RRP1B: variants seen among roughly 807,000 people sequenced by gnomAD.
RRP1B encodes the protein ribosomal RNA processing protein 1 homolog B.
A neutral mutation model predicts 80.2 loss-of-function variants in RRP1B; 56 were observed. The ratio of observed to expected loss-of-function variants is 0.70; its 90% CI spans 0.56 to 0.87. The LOEUF is 0.87. RRP1B is among the 40% of genes least tolerant of loss of function. RRP1B has a pLI of 0.00. For missense variants in RRP1B, 807 were observed against 939.8 expected (o/e 0.86, Z 1.85); for synonymous variants, 351 against 357.6 (o/e 0.98, Z 0.21).
chr21:43,662,198 G>A (rs866683031), intron 1 of RRP1B, among the ~76,000 whole-genome samples: 3 of 152,332 alleles, frequency 2.0e-5, no homozygotes, highest in Middle Eastern at 3.4e-3. Context: ...CCTTTGGTGA[G>A]CCAGCCCAGG....
intron 8 of RRP1B, among the ~76,000 whole-genome samples, chr21:43,678,639 T>C (rs1341251394): frequency 6.6e-6 from 1 of 152,200 alleles, no homozygotes; most frequent in African/African-American, 2.4e-5. Flanking sequence ...TTTTTCTTGC[T>C]GATTTGTTTG....
chr21:43,665,586 G>A lies in RRP1B; in HGVS notation c.131-4298G>A, dbSNP rs183936888. Among the ~76,000 whole-genome samples the A allele has an allele frequency of 3.3e-5, 5 of 151,952 alleles. No homozygotes were observed. The East Asian group carries it at 5.8e-4, about 18-fold the overall frequency. Reference sequence around the variant, plus strand: ...TTTTGAGATGGAGTCTTGCTCTGTCGCTCAGGCTGGAGTGCAGTGGTGCGA... The same window carrying A: ...TTTTGAGATGGAGTCTTGCTCTGTCACTCAGGCTGGAGTGCAGTGGTGCGA... On this transcript the variant is annotated intron_variant, in intron 1 of 15. Transcript: ENST00000340648.
intron 1 of RRP1B, among the ~76,000 whole-genome samples, chr21:43,667,216 CGTT>C (rs1238408809): frequency 2.6e-5 from 4 of 151,760 alleles, no homozygotes; most frequent in Admixed American, 1.3e-4. Context: ...TTCTTAATAT[CGTT>C]TGTTTGTTTG....
At chr21:43,690,040 G>A (rs552000804) in intron 13 of RRP1B, among the ~76,000 whole-genome samples, 1 of 152,288 alleles carries the variant, frequency 6.6e-6, no homozygotes, top group Non-Finnish European at 1.5e-5. Flanking sequence ...AGATAAAAGT[G>A]GGTCCTTACT....
In RRP1B at chr21:43,659,863, G is replaced by A; in HGVS notation, c.130+69G>A. 7.2e-7 allele frequency: 1 copy of A among 1,390,878 alleles called. No individual in the cohort carries two copies. Among genetic ancestry groups the A allele is most frequent in the Admixed American group, 3.2e-5 (1 of 31,242 alleles). 86.2% of individuals were successfully genotyped at this position (1,390,878 alleles called of 1,614,324 possible). A position where few individuals can be genotyped will look rare whatever the true frequency, so the allele number is the denominator to read the frequency against. On this transcript the variant is annotated intron_variant, in intron 1 of 15. Coordinates refer to ENST00000340648, the MANE Select transcript of RRP1B (RefSeq NM_015056.3). The surrounding 1 kb of genome is among the most constrained non-coding windows in gnomAD (Gnocchi z 4.2). ...GGGCCGGGGCTGGGGCTAGGGCCAG[G>A]GCCCCGGCACGGAATGCGGCTTCCA...
At chr21:43,675,259 C>T (rs2083017346) in intron 6 of RRP1B, 96 bp downstream of exon 6, 2 of 1,162,540 alleles carry the variant, frequency 1.7e-6, no homozygotes, top group Admixed American at 3.9e-5. Context: ...CTTCGCATGA[C>T]CAGCGACTGT....
intron 3 of RRP1B, among the ~76,000 whole-genome samples, chr21:43,672,775 AT>A (rs1225019363): frequency 6.6e-6 from 1 of 152,162 alleles, no homozygotes; most frequent in Non-Finnish European, 1.5e-5. Flanking sequence ...GAGAAAAAAA[AT>A]TAGTTAGGGT....
At position 43,690,396 on chromosome 21, in the gene RRP1B, G is replaced by C; in HGVS notation, c.1975G>C (p.Ala659Pro). The change falls in exon 14 of 16, where the codon GCC becomes CCC. Residue 659 changes from alanine (A) to proline (P), a missense_variant. Physicochemically the swap from Ala to Pro is conservative, Grantham distance 27 (BLOSUM62 -1). Transcript: ENST00000340648. Reference protein sequence around the residue: ...FLPKPLFFRRAKSSTATHPPG... With the variant: ...FLPKPLFFRRPKSSTATHPPG... ...ACCAAAGCCCCTGTTCTTCAGAAGA[G>C]CCAAGAGCAGCACTGCCACCCACCC... is the stretch of plus-strand genomic sequence containing the variant. 6.2e-7 allele frequency: 1 copy of C among 1,614,224 alleles called. No individual in the cohort carries two copies.
intron 9 of RRP1B, among the ~76,000 whole-genome samples, chr21:43,684,229 G>A (rs903574597): frequency 1.3e-5 from 2 of 151,468 alleles, no homozygotes; most frequent in African/African-American, 4.8e-5. Context: ...CCGCCATCAC[G>A]CCCGGCTAAT....
At position 43,684,979 on chromosome 21, in the gene RRP1B, A is replaced by G. The variant is rs191883032; in HGVS notation, c.989+329A>G. The stretch of plus-strand genomic sequence containing the variant: ...TGTCTTCTGCTGGTGTGCTGCTGAG[A>G]TAGATAGGGTTAATTCTTTACCTCT... On this transcript the variant is annotated intron_variant, in intron 10 of 15. Coordinates refer to ENST00000340648, the MANE Select transcript of RRP1B (RefSeq NM_015056.3). Among the ~76,000 whole-genome samples, 20 of 152,208 alleles carry G rather than the reference A, an allele frequency of 1.3e-4. No individual in the cohort carries two copies. The East Asian group carries it at 3.7e-3, about 28-fold the overall frequency.
chr21:43,685,803 A>G lies in RRP1B; in HGVS notation c.1009+14A>G. On this transcript the variant is annotated intron_variant, in intron 11 of 15. Transcript: ENST00000340648. ...ACCTTTCTGAAGGTGAGGCGCGCCA[A>G]GAATCATCATTCATGGTGTTTTTCG... 1.3e-6 allele frequency: 2 copies of G among 1,591,404 alleles called. No homozygotes were observed. The highest frequency in any genetic ancestry group is 1.2e-5 in the South Asian group (1 of 85,686).
intron 1 of RRP1B, among the ~76,000 whole-genome samples, chr21:43,664,703 T>A (rs1398533607): frequency 1.3e-5 from 2 of 152,218 alleles, no homozygotes; most frequent in Non-Finnish European, 2.9e-5. Context: ...CTGGGTAATT[T>A]ATAAAGGAAA....
intron 9 of RRP1B, among the ~76,000 whole-genome samples, 189 bp downstream of exon 9, chr21:43,683,562 G>A (rs1435850365): frequency 6.6e-6 from 1 of 152,102 alleles, no homozygotes; most frequent in Non-Finnish European, 1.5e-5. Context: ...ATATGATGGA[G>A]TTTTGAAAGA....
At position 43,693,909 on chromosome 21, in the gene RRP1B, T is replaced by C. The variant is rs2083097035; in HGVS notation, c.*526T>C. 6.6e-6 allele frequency: 1 copy of C among 152,566 alleles called. No homozygotes were observed. Among genetic ancestry groups the C allele is most frequent in the African/African-American group, 2.4e-5 (1 of 41,458 alleles). 9.5% of individuals were successfully genotyped at this position (152,566 alleles called of 1,614,324 possible). The stretch of plus-strand genomic sequence containing the variant: ...GCAGGTTACCGATGGGGAAGATTCT[T>C]GTCACAGAATCAGCAATACCATAGT... On this transcript the variant is annotated 3_prime_UTR_variant, in exon 16 of 16. Transcript: ENST00000340648. The surrounding 1 kb of genome is among the most constrained non-coding windows in gnomAD (Gnocchi z 4.1).
rs548304496 is a variant in RRP1B, at chr21:43,676,782, G to A, written c.664G>A (p.Asp222Asn). 6 of 1,614,252 alleles carry A rather than the reference G, an allele frequency of 3.7e-6. No homozygotes were observed. In the South Asian group the frequency reaches 5.5e-5, roughly 15 times the overall value. ...TCGGGGTGTCTTCGAAGCTATCGTA[G>A]ATCAGTCTCCTTTTGTGCCTGAAGA... ...IARGVFEAIV[D>N]QSPFVPEETM... Residue 222 changes from aspartate (D) to asparagine (N), a missense_variant, in exon 8 of 16, where the codon GAT becomes AAT. Transcript: ENST00000340648.
chr21:43,674,081 GA>G (rs1318618424), intron 4 of RRP1B, 126 bp downstream of exon 4: 1 of 683,098 alleles, frequency 1.5e-6, no homozygotes, highest in African/African-American at 1.8e-5. Context: ...GGAAGAATTT[GA>G]ATGTGTCCTG....
rs746929325 is a variant in RRP1B at position 43,688,059 on chromosome 21, C to G, written c.1685C>G (p.Thr562Ser). ...TGPAEGANSH[T>S]TLPQRRRLQK... The stretch of plus-strand genomic sequence containing the variant: ...CCCGCAGAGGGGGCGAACAGCCACA[C>G]CACGCTGCCCCAGCGCAGGAGGCTG... Residue 562 changes from threonine (T) to serine (S), a missense_variant, in exon 13 of 16, where the codon ACC becomes AGC. Thr to Ser is a moderately conservative substitution (Grantham distance 58). Transcript: ENST00000340648. The G allele has an allele frequency of 1.8e-5, 29 of 1,612,386 alleles. No individual in the cohort carries two copies. The highest frequency in any genetic ancestry group is 2.5e-5 in the Non-Finnish European group (29 of 1,179,576).
chr21:43,690,239 G>C (rs1464171525), intron 13 of RRP1B, 49 bp from the exon 14 acceptor site: 1 of 1,601,670 alleles, frequency 6.2e-7, no homozygotes, highest in African/African-American at 1.3e-5. Flanking sequence ...CAGCACAGGA[G>C]GCTCTGTCGT....
In RRP1B at chr21:43,688,048, G is replaced by A. The variant is rs758157928; in HGVS notation, c.1674G>A (p.Ala558=). ...CTCCCACAGGCCCCGCAGAGGGGGCGAACAGCCACACCACGCTGCCCCAGC... is the reference window on the plus strand; with the variant it reads ...CTCCCACAGGCCCCGCAGAGGGGGCAAACAGCCACACCACGCTGCCCCAGC... ...EGPPTGPAEG[A]NSHTTLPQRR... Residue 558 remains alanine (A), a synonymous_variant, in exon 13 of 16, where the codon GCG becomes GCA. Transcript: ENST00000340648. The A allele has an allele frequency of 1.5e-5, 24 of 1,611,716 alleles. No individual in the cohort carries two copies. The highest frequency in any genetic ancestry group is 1.3e-4 in the East Asian group (6 of 44,854).
Sources: allele counts gnomAD v4.1 joint callset (sites outside exome capture counted in the v4.1 genomes callset), GRCh38; gene constraint gnomAD v4.1.1; non-coding constraint Gnocchi (gnomAD v3.1); transcripts MANE v1.5; gene names NCBI Gene and HGNC (gene_info 2026-07-23, HGNC 2026-07-21).